RNF213: variants seen among roughly 807,000 people sequenced by gnomAD.
The protein encoded by RNF213 is ring finger protein 213, also known as E3 ubiquitin-protein ligase RNF213.
RNF213 carries 341 observed loss-of-function variants against 514.4 expected under a neutral mutation model. The observed-to-expected ratio is 0.66, with a 90% confidence interval of 0.61 to 0.73. RNF213 has a LOEUF of 0.73. Among genes scored for constraint, RNF213 ranks in the 30% least tolerant of loss-of-function variants. RNF213 has a pLI of 0.00. For missense variants in RNF213, 5,767 were observed against 6,615.6 expected, an observed-to-expected ratio of 0.87 and a Z score of 4.45; for synonymous variants, 2,655 against 2,658.2, an observed-to-expected ratio of 1.00 and a Z score of 0.04.
Position 80,345,054 on chromosome 17 carries a change from T to G in RNF213, c.6719T>G (p.Ile2240Ser). The change falls in exon 29 of 68, where the codon ATT (isoleucine) becomes AGT (serine). Residue 2240 changes from isoleucine (I) to serine (S), a missense_variant. By Grantham distance (142) the Ile-to-Ser change is moderately radical (BLOSUM62 -2). Around this residue, in one of 13 missense-constraint regions of RNF213, gnomAD observed 1,377 missense variants for 1,635.2 expected, o/e 0.84. Coordinates refer to ENST00000582970, the MANE Select transcript of RNF213 (RefSeq NM_001256071.3). The surrounding 1 kb of genome is among the most constrained non-coding windows in gnomAD (Gnocchi z 6.0). ...TCTCTCTTCTGCAATCCGAGTTTTATTGGCGACACACTGAGGGGCTTCAAG... is the reference window on the plus strand; with the variant it reads ...TCTCTCTTCTGCAATCCGAGTTTTAGTGGCGACACACTGAGGGGCTTCAAG... ...EASLFCNPSF[I>S]GDTLRGFKKF... 1 of 1,614,170 alleles carries G rather than the reference T, an allele frequency of 6.2e-7. No homozygotes were observed. Among genetic ancestry groups the G allele is most frequent in the Non-Finnish European group, 8.5e-7 (1 of 1,180,034 alleles).
intron 56 of RNF213, 141 bp from the exon 57 acceptor site, chr17:80,381,406 C>T: frequency 1.2e-6 from 1 of 866,964 alleles, no homozygotes. Context: ...TTCCTTTCAC[C>T]TGGATCACTC....
intron 16 of RNF213, among the ~76,000 whole-genome samples, chr17:80,318,921 G>C (rs1350441589): frequency 2.0e-5 from 3 of 152,190 alleles, no homozygotes; most frequent in Non-Finnish European, 4.4e-5. Flanking sequence ...CAGAAACAAG[G>C]AAAAATGACC....
chr17:80,261,023 C>T (rs1396703426), intron 1 of RNF213, 121 bp downstream of exon 1: 1 of 151,882 alleles, frequency 6.6e-6, no homozygotes, highest in Non-Finnish European at 1.5e-5. Flanking sequence ...CTCCCGGCCG[C>T]CTCTTCCTGC....
At chr17:80,356,488 G>T (rs1439143824) in intron 36 of RNF213, among the ~76,000 whole-genome samples, 1 of 152,206 alleles carries the variant, frequency 6.6e-6, no homozygotes, top group Non-Finnish European at 1.5e-5. Flanking sequence ...CAGCTCACCT[G>T]CCCCAGGGCC....
intron 1 of RNF213, among the ~76,000 whole-genome samples, chr17:80,261,451 C>T (rs1474601351): frequency 1.3e-5 from 2 of 152,130 alleles, no homozygotes; most frequent in African/African-American, 4.8e-5. Context: ...GGTGGGCACC[C>T]CTCCCGGATG....
chr17:80,331,204 TC>T (rs1312365187), intron 20 of RNF213, among the ~76,000 whole-genome samples: 1 of 152,164 alleles, frequency 6.6e-6, no homozygotes, highest in African/African-American at 2.4e-5. Flanking sequence ...ACAATGTGTG[TC>T]TGCTTTTTGG....
At chr17:80,390,256 A>C (rs2080411163) in intron 67 of RNF213, 60 bp downstream of exon 67, 1 of 1,533,782 alleles carries the variant, frequency 6.5e-7, no homozygotes, top group Non-Finnish European at 9.0e-7. Context: ...CTCTCCTGTG[A>C]TCTTCTATAG....
chr17:80,309,175 A>C lies in RNF213; in HGVS notation c.2655+4A>C, dbSNP rs373931475. On this transcript the variant is annotated splice_donor_region_variant and intron_variant, in intron 14 of 67. Transcript: ENST00000582970. ...GATTAGACTTCTATCTCTGGTGGTA[A>C]GTGGAGTCAACACACAAGGTATCAC... The C allele has an allele frequency of 6.2e-7, 1 of 1,614,076 alleles. No homozygotes were observed. Among genetic ancestry groups the C allele is most frequent in the African/African-American group, 1.3e-5 (1 of 74,930 alleles).
At chr17:80,385,683 T>C (rs1350036325) in intron 61 of RNF213, 62 bp downstream of exon 61, 4 of 1,433,446 alleles carry the variant, frequency 2.8e-6, no homozygotes, top group Non-Finnish European at 3.9e-6. Context: ...AAAGCTCTTC[T>C]CGTCAGCCTG....
chr17:80,293,241 T>G (rs1276552707), intron 8 of RNF213, among the ~76,000 whole-genome samples: 3 of 151,726 alleles, frequency 2.0e-5, no homozygotes, highest in African/African-American at 7.3e-5. Context: ...ATATATTTTT[T>G]TTGGAGAGAC....
rs1301926681 is a variant in RNF213 at position 80,393,842 on chromosome 17, C to T, written c.*344C>T. 3 of 286,064 alleles carry T rather than the reference C, an allele frequency of 1.0e-5. No homozygotes were observed. Among genetic ancestry groups the T allele is most frequent in the South Asian group, 7.6e-5 (2 of 26,386 alleles). 17.7% of individuals were successfully genotyped at this position (286,064 alleles called of 1,614,324 possible). On this transcript the variant is annotated 3_prime_UTR_variant, in exon 68 of 68. Coordinates refer to ENST00000582970, the MANE Select transcript of RNF213 (RefSeq NM_001256071.3). ...CACACACGCAGTAATGACCTGTGCC[C>T]GTTCGCCTCTGGCACTGCCCACCCC...
Position 80,353,197 on chromosome 17 carries a change from A to G in RNF213, c.10423+138A>G. The G allele has an allele frequency of 8.4e-7, 1 of 1,194,128 alleles. No individual in the cohort carries two copies. Among genetic ancestry groups the G allele is most frequent in the South Asian group, 1.3e-5 (1 of 76,552 alleles). The allele number at this position is 1,194,128 out of a possible 1,614,324, so 74.0% of individuals were successfully genotyped here. A position where few individuals can be genotyped will look rare whatever the true frequency, so the allele number is the denominator to read the frequency against. On this transcript the variant is annotated intron_variant, in intron 33 of 67. Transcript: ENST00000582970. The surrounding 1 kb of genome is among the most constrained non-coding windows in gnomAD (Gnocchi z 5.0). ...GGCAGGAGCTCGGGGACACATCTGC[A>G]GAACTGACTGGTGGCTCATCATAGA...
Position 80,375,713 on chromosome 17 carries a change from G to C in RNF213, c.13075-47G>C, listed in dbSNP as rs377673564. The C allele has an allele frequency of 4.9e-4, 629 of 1,280,842 alleles. 2 individuals are homozygous for C. The highest frequency in any genetic ancestry group is 6.8e-4 in the Non-Finnish European group (593 of 877,654). The allele number at this position is 1,280,842 out of a possible 1,614,324, so 79.3% of individuals were successfully genotyped here. On this transcript the variant is annotated intron_variant, in intron 50 of 67. Transcript: ENST00000582970. ...GCAAGACTCCATCTCAAAAAAAAAAGATGTGTTGAGCTTTTAAATTCTTAC... is the reference window on the plus strand; with the variant it reads ...GCAAGACTCCATCTCAAAAAAAAAACATGTGTTGAGCTTTTAAATTCTTAC...
intron 10 of RNF213, among the ~76,000 whole-genome samples, chr17:80,297,480 A>G (rs1287833328): frequency 6.7e-6 from 1 of 150,254 alleles, no homozygotes; most frequent in African/African-American, 2.4e-5. Flanking sequence ...TTGGCCGGGC[A>G]TTATGGCTCA....
chr17:80,330,611 T>C (rs953345698), intron 20 of RNF213, among the ~76,000 whole-genome samples: 2 of 152,216 alleles, frequency 1.3e-5, no homozygotes, highest in Non-Finnish European at 2.9e-5. Flanking sequence ...CCCCCTGAGA[T>C]TGGATAATTC....
chr17:80,359,130 C>T (rs1039935441), intron 37 of RNF213, among the ~76,000 whole-genome samples: 1 of 152,146 alleles, frequency 6.6e-6, no homozygotes, highest in Non-Finnish European at 1.5e-5. Flanking sequence ...GCCCCCACCC[C>T]CTTCCGCAGG....
At chr17:80,368,178 T>A in intron 44 of RNF213, 35 bp downstream of exon 44, 1 of 1,608,546 alleles carries the variant, frequency 6.2e-7, no homozygotes, top group South Asian at 1.1e-5. Context: ...AGCATCCTTT[T>A]TTTCATTTTC....
At chr17:80,354,899 C>CA (rs1293701314) in intron 36 of RNF213, 1 of 398,916 alleles carries the variant, frequency 2.5e-6, no homozygotes, top group Non-Finnish European at 4.8e-6. Flanking sequence ...CTGCTGTTTT[C>CA]AGTCATGAAG....
intron 3 of RNF213, 24 bp from the exon 4 acceptor site, chr17:80,287,791 G>A (rs770992440): frequency 1.2e-6 from 2 of 1,611,756 alleles, no homozygotes; most frequent in Non-Finnish European, 1.7e-6. Flanking sequence ...AAGAAATAAA[G>A]TGAGTGTCTC....
Sources: allele counts gnomAD v4.1 joint callset (sites outside exome capture counted in the v4.1 genomes callset), GRCh38; gene constraint gnomAD v4.1.1; regional missense constraint gnomAD v4.1.1; non-coding constraint Gnocchi (gnomAD v3.1); transcripts MANE v1.5; gene names NCBI Gene and HGNC (gene_info 2026-07-23, HGNC 2026-07-21).